The following NEGR1 variants were observed in gnomAD, a reference collection of about 807,000 sequenced individuals.
The protein encoded by NEGR1 is IgLON family member 4.
Under a neutral mutation model 40.9 loss-of-function variants are expected in NEGR1, and 10 were observed. The ratio of observed to expected loss-of-function variants is 0.24; its 90% CI spans 0.15 to 0.42. The LOEUF (loss-of-function observed/expected upper bound fraction) is 0.42. Ranked by LOEUF, NEGR1 falls within the 10% of genes least tolerant of loss-of-function variation. The pLI is 1.00. For missense variants in NEGR1, 352 were observed against 438.9 expected, an observed-to-expected ratio of 0.80 and a Z score of 1.77; for synonymous variants, 185 against 166.8, an observed-to-expected ratio of 1.11 and a Z score of -0.84.
At chr1:71,445,119 A>G (rs1646572200) in intron 6 of NEGR1, among the ~76,000 whole-genome samples, 3 of 152,206 alleles carry the variant, frequency 2.0e-5, no homozygotes, top group Admixed American at 2.0e-4. Flanking sequence ...ACTGGAAATG[A>G]CAAAGCAGTA....
At chr1:72,093,229 G>A (rs765328993) in intron 1 of NEGR1, among the ~76,000 whole-genome samples, 1 of 151,044 alleles carries the variant, frequency 6.6e-6, no homozygotes, top group Non-Finnish European at 1.5e-5. Context: ...TAGCTGGTAG[G>A]CTGAGGCAGG....
intron 1 of NEGR1, among the ~76,000 whole-genome samples, chr1:72,192,383 G>A (rs1399253826): frequency 6.6e-6 from 1 of 151,818 alleles, no homozygotes; most frequent in Non-Finnish European, 1.5e-5. Flanking sequence ...ATCTTCTGCT[G>A]TAAAAAAGAG....
intron 1 of NEGR1, among the ~76,000 whole-genome samples, chr1:72,107,577 A>G (rs577804784): frequency 7.3e-5 from 11 of 151,644 alleles, no homozygotes; most frequent in Admixed American, 5.9e-4. Flanking sequence ...TGTGCTTTGG[A>G]TTAAAAAATG....
At chr1:71,583,568 T>A (rs1383360037) in intron 6 of NEGR1, among the ~76,000 whole-genome samples, 1 of 152,216 alleles carries the variant, frequency 6.6e-6, no homozygotes, top group Non-Finnish European at 1.5e-5. Context: ...TGTGTTTACT[T>A]AGTTAATGTT....
intron 1 of NEGR1, among the ~76,000 whole-genome samples, chr1:71,979,652 G>C (rs1646337547): frequency 6.6e-6 from 1 of 152,120 alleles, no homozygotes; most frequent in Non-Finnish European, 1.5e-5. Flanking sequence ...TAAATGAAAA[G>C]TTTTTGATGA....
chr1:71,856,859 G>T (rs1440908644), intron 2 of NEGR1, among the ~76,000 whole-genome samples: 1 of 151,954 alleles, frequency 6.6e-6, no homozygotes, highest in African/African-American at 2.4e-5. Context: ...GGATCTGCTG[G>T]CATATGGTTC....
At chr1:72,008,706 C>T (rs185527328) in intron 1 of NEGR1, among the ~76,000 whole-genome samples, 263 of 152,088 alleles carry the variant, frequency 1.7e-3, no homozygotes, top group Non-Finnish European at 2.8e-3. Flanking sequence ...CTTGAATAGT[C>T]CCATGATTAA....
At chr1:71,836,425 G>A (rs1439245061) in intron 2 of NEGR1, among the ~76,000 whole-genome samples, 2 of 145,318 alleles carry the variant, frequency 1.4e-5, no homozygotes, top group African/African-American at 5.1e-5. Flanking sequence ...CAAGGCTCTG[G>A]CTCAAAAAAA....
chr1:72,255,337 T>C (rs1249759752), intron 1 of NEGR1, among the ~76,000 whole-genome samples: 1 of 152,182 alleles, frequency 6.6e-6, no homozygotes, highest in Admixed American at 6.5e-5. Flanking sequence ...GAACACCTAT[T>C]ATTTTATGCC....
intron 2 of NEGR1, among the ~76,000 whole-genome samples, chr1:71,805,390 G>A (rs1218869981): frequency 3.3e-5 from 5 of 151,960 alleles, no homozygotes; most frequent in Admixed American, 1.3e-4. Flanking sequence ...GGGGCATCAC[G>A]GAACCTGCCG....
At chr1:71,687,992 T>C (rs1031764875) in intron 4 of NEGR1, among the ~76,000 whole-genome samples, 2 of 152,098 alleles carry the variant, frequency 1.3e-5, no homozygotes, top group Non-Finnish European at 2.9e-5. Flanking sequence ...TTTTCAACTG[T>C]AGAATTGTAG....
At chr1:71,958,689 C>T (rs1020653574) in intron 1 of NEGR1, among the ~76,000 whole-genome samples, 42 of 152,238 alleles carry the variant, frequency 2.8e-4, no homozygotes, top group African/African-American at 9.2e-4. Context: ...GGCACGGTGG[C>T]TCACACCTGT....
rs1656292902 is a variant in NEGR1 at position 72,282,382 on chromosome 1, A to C, written c.113T>G (p.Val38Gly). ...LPSCLPAGQS[V>G]DFPWAAVDNM... ...GTCCACGGCCGCCCAGGGGAAGTCCACACTCTGTCCAGCCGGGAGGCAGGA... is the reference window on the plus strand; with the variant it reads ...GTCCACGGCCGCCCAGGGGAAGTCCCCACTCTGTCCAGCCGGGAGGCAGGA... Residue 38 changes from valine to glycine, a missense_variant, in exon 1 of 7, where the codon GTG (valine) becomes GGG (glycine). Val to Gly is a moderately radical substitution (Grantham distance 109, BLOSUM62 -3). Coordinates refer to ENST00000357731, the MANE Select transcript of NEGR1 (RefSeq NM_173808.3). 3 of 1,613,908 alleles carry C rather than the reference A, an allele frequency of 1.9e-6. No homozygotes were observed. The highest frequency in any genetic ancestry group is 1.7e-6 in the Non-Finnish European group (2 of 1,179,920).
intron 6 of NEGR1, among the ~76,000 whole-genome samples, chr1:71,426,046 A>G (rs982736196): frequency 6.6e-6 from 1 of 152,188 alleles, no homozygotes; most frequent in Non-Finnish European, 1.5e-5. Flanking sequence ...AAGAGTACCT[A>G]CATACATATA....
chr1:71,654,930 T>G (rs1228245830), intron 4 of NEGR1, among the ~76,000 whole-genome samples: 2 of 152,038 alleles, frequency 1.3e-5, no homozygotes, highest in African/African-American at 4.8e-5. Context: ...GGCAACACAT[T>G]TTGTATTGTG....
intron 4 of NEGR1, among the ~76,000 whole-genome samples, chr1:71,660,636 A>G (rs1271128123): frequency 6.6e-6 from 1 of 152,100 alleles, no homozygotes; most frequent in Non-Finnish European, 1.5e-5. Flanking sequence ...AAAACCACAA[A>G]CCATAGCTGT....
intron 3 of NEGR1, among the ~76,000 whole-genome samples, chr1:71,698,846 G>A (rs1258374434): frequency 1.3e-5 from 2 of 151,856 alleles, no homozygotes; most frequent in Non-Finnish European, 2.9e-5. Flanking sequence ...ATATAAAGAT[G>A]TAATAACAGA....
At chr1:72,038,761 A>G (rs1204730282) in intron 1 of NEGR1, among the ~76,000 whole-genome samples, 1 of 151,962 alleles carries the variant, frequency 6.6e-6, no homozygotes, top group African/African-American at 2.4e-5. Flanking sequence ...TGCTCCATGA[A>G]TCACCATATT....
intron 3 of NEGR1, among the ~76,000 whole-genome samples, chr1:71,725,092 G>C (rs185835732): frequency 1.1e-3 from 161 of 152,130 alleles, no homozygotes; most frequent in Non-Finnish European, 1.9e-3. Flanking sequence ...CAATTATTTG[G>C]TTATTTCATT....
Sources: gnomAD v4.1 joint callset for allele counts (sites outside exome capture counted in the v4.1 genomes callset) on GRCh38, gnomAD v4.1.1 for gene constraint, MANE v1.5 for transcripts, NCBI Gene and HGNC (gene_info 2026-07-23, HGNC 2026-07-21) for gene names.